Variants in FLI1 observed in about 807,000 individuals in gnomAD.
FLI1 encodes Fli-1 proto-oncogene, ETS transcription factor.
In FLI1, 13 loss-of-function variants were observed where a neutral mutation model predicts 53.1. The observed-to-expected ratio is 0.24, with a 90% CI of 0.16 to 0.39. The LOEUF (loss-of-function observed/expected upper bound fraction) is 0.39. FLI1 is among the 10% of genes least tolerant of loss of function. The probability of loss-of-function intolerance (pLI) is 1.00; values close to 1 mark genes in which losing one functional copy is unlikely to be tolerated. For missense variants in FLI1, 424 were observed against 600.5 expected, an observed-to-expected ratio of 0.71 and a Z score of 3.07; for synonymous variants, 244 against 236.7, an observed-to-expected ratio of 1.03 and a Z score of -0.28.
At chr11:128,723,610 C>T (rs1939347534) in intron 1 of FLI1, among the ~76,000 whole-genome samples, 1 of 152,188 alleles carries the variant, frequency 6.6e-6, no homozygotes, top group African/African-American at 2.4e-5. Flanking sequence ...TATAGAAAAA[C>T]CCTGCTTGAG....
At position 128,805,282 on chromosome 11, in the gene FLI1, T is replaced by G. The variant is rs562006339; in HGVS notation, c.656-84T>G. On this transcript the variant is annotated intron_variant, in intron 5 of 8. Transcript: ENST00000527786. ...CCATTGCTGAATTGAATTTTATTTC[T>G]CCTGATCACTACAGATAATGCTCAT... is the stretch of plus-strand genomic sequence containing the variant. 6 of 757,982 alleles carry G rather than the reference T, an allele frequency of 7.9e-6. No individual in the cohort carries two copies. In the South Asian group the frequency reaches 1.0e-4, roughly 13 times the overall value. The allele number at this position is 757,982 out of a possible 1,614,324, so 47.0% of individuals were successfully genotyped here.
At chr11:128,690,431 A>C (rs971892594), upstream of FLI1, among the ~76,000 whole-genome samples, 2 of 152,134 alleles carry the variant, frequency 1.3e-5, no homozygotes, top group South Asian at 4.1e-4. Flanking sequence ...CCAGGCTCAG[A>C]TCGTCAGGTC....
intron 1 of FLI1, among the ~76,000 whole-genome samples, chr11:128,747,179 G>A (rs1460994304): frequency 6.6e-6 from 1 of 152,224 alleles, no homozygotes; most frequent in East Asian, 1.9e-4. Flanking sequence ...CTTGAAGCAG[G>A]GTTCTGGAGG....
At chr11:128,778,286 C>T (rs182313027) in intron 4 of FLI1, among the ~76,000 whole-genome samples, 10 of 152,236 alleles carry the variant, frequency 6.6e-5, no homozygotes, top group South Asian at 4.2e-4. Context: ...ATTATCGTGA[C>T]GTGAATCCAC....
At chr11:128,698,736 G>C (rs1938196570) in intron 1 of FLI1, among the ~76,000 whole-genome samples, 1 of 142,756 alleles carries the variant, frequency 7.0e-6, no homozygotes, top group South Asian at 2.1e-4. Flanking sequence ...GTGTGTGTGA[G>C]AGAGAGAGAG....
upstream of FLI1, among the ~76,000 whole-genome samples, chr11:128,689,179 G>A (rs1437800701): frequency 1.3e-5 from 2 of 151,334 alleles, no homozygotes; most frequent in African/African-American, 4.9e-5. Context: ...AAACCTAGGT[G>A]CGCTAGTCCT....
At chr11:128,745,201 T>C (rs1264761135) in intron 1 of FLI1, among the ~76,000 whole-genome samples, 2 of 151,160 alleles carry the variant, frequency 1.3e-5, no homozygotes, top group African/African-American at 4.9e-5. Context: ...ATGCAGGAGG[T>C]TGAGCAAGAA....
intron 1 of FLI1, among the ~76,000 whole-genome samples, chr11:128,734,946 G>T (rs1939855780): frequency 6.6e-6 from 1 of 152,242 alleles, no homozygotes; most frequent in South Asian, 2.1e-4. Flanking sequence ...TGTGGGCAAA[G>T]AATGCAGCTG....
intron 1 of FLI1, among the ~76,000 whole-genome samples, chr11:128,694,732 G>T (rs1480679400): frequency 6.6e-6 from 1 of 152,190 alleles, no homozygotes; most frequent in African/African-American, 2.4e-5. Flanking sequence ...GCCCGGGCTC[G>T]GGTCCCTGCC....
chr11:128,796,154 G>A (rs1166407981), intron 5 of FLI1, among the ~76,000 whole-genome samples: 4 of 152,118 alleles, frequency 2.6e-5, no homozygotes, highest in Non-Finnish European at 4.4e-5. Flanking sequence ...ATGGATTCAC[G>A]AGAAATTATG....
At chr11:128,704,382 C>G (rs544994597) in intron 1 of FLI1, among the ~76,000 whole-genome samples, 1 of 152,244 alleles carries the variant, frequency 6.6e-6, no homozygotes, top group South Asian at 2.1e-4. Context: ...GACACTAGAA[C>G]TGTGCTAATC....
rs554596145 is a variant in FLI1 at position 128,791,577 on chromosome 11, G to T, written c.655+9554G>T. The stretch of plus-strand genomic sequence containing the variant: ...ATTGGATGGATGGATGAAAATAATA[G>T]GCAAAGTACCTTAAACTGTTCCCCA... On this transcript the variant is annotated intron_variant, in intron 5 of 8. Coordinates refer to ENST00000527786, the MANE Select transcript of FLI1 (RefSeq NM_002017.5). 3.9e-5 allele frequency among the ~76,000 whole-genome samples: 6 copies of T among 152,352 alleles called. No individual in the cohort carries two copies. In the South Asian group the frequency reaches 1.2e-3, roughly 32 times the overall value.
intron 2 of FLI1, among the ~76,000 whole-genome samples, chr11:128,761,362 A>G (rs1941114504): frequency 1.3e-5 from 2 of 152,142 alleles, no homozygotes; most frequent in Admixed American, 1.3e-4. Context: ...CCCTGCTTAG[A>G]GTGTCTGTCC....
At chr11:128,797,375 A>C (rs1297618360) in intron 5 of FLI1, among the ~76,000 whole-genome samples, 1 of 152,260 alleles carries the variant, frequency 6.6e-6, no homozygotes, top group Non-Finnish European at 1.5e-5. Flanking sequence ...TTGGCTTTCC[A>C]GAGGGACTTT....
intron 1 of FLI1, among the ~76,000 whole-genome samples, chr11:128,687,724 G>T (rs1393516925): frequency 6.6e-6 from 1 of 152,000 alleles, no homozygotes; most frequent in East Asian, 1.9e-4. Context: ...CCAATTATGC[G>T]TCCAACCCTC....
rs763547819 is a variant in FLI1 at position 128,768,220 on chromosome 11, C to G, written c.333C>G (p.Gly111=). Residue 111 remains glycine, a synonymous_variant, in exon 3 of 9, where the codon GGC becomes GGG. Coordinates refer to ENST00000527786, the MANE Select transcript of FLI1 (RefSeq NM_002017.5). Reference sequence around the variant, plus strand: ...ACAGCTATATGGACGAGAAGAATGGCCCCCCTCCTCCCAACATGACCACCA... The same window carrying G: ...ACAGCTATATGGACGAGAAGAATGGGCCCCCTCCTCCCAACATGACCACCA... The part of the protein sequence containing the change: ...NYNSYMDEKN[G]PPPPNMTTNE... The G allele has an allele frequency of 1.2e-6, 2 of 1,613,842 alleles. No individual in the cohort carries two copies. The highest frequency in any genetic ancestry group is 1.7e-6 in the Non-Finnish European group (2 of 1,179,814).
At chr11:128,697,191 C>A (rs1466450843) in intron 1 of FLI1, among the ~76,000 whole-genome samples, 1 of 152,154 alleles carries the variant, frequency 6.6e-6, no homozygotes, top group African/African-American at 2.4e-5. Context: ...TAAGAAATGA[C>A]CTGGTTTCAA....
chr11:128,730,925 T>G (rs1275010212), intron 1 of FLI1, among the ~76,000 whole-genome samples: 1 of 152,260 alleles, frequency 6.6e-6, no homozygotes, highest in East Asian at 1.9e-4. Flanking sequence ...GGCACCAGTC[T>G]GTTTGCCTTG....
At chr11:128,698,937 T>G (rs1938205693) in intron 1 of FLI1, among the ~76,000 whole-genome samples, 1 of 152,196 alleles carries the variant, frequency 6.6e-6, no homozygotes, top group South Asian at 2.1e-4. Context: ...AAATAAGTCC[T>G]TCTTTTCCAG....
Sources: gnomAD v4.1 joint callset for allele counts (sites outside exome capture counted in the v4.1 genomes callset) on GRCh38, gnomAD v4.1.1 for gene constraint, MANE v1.5 for transcripts, NCBI Gene and HGNC (gene_info 2026-07-23, HGNC 2026-07-21) for gene names.